Variants in EXTL1 observed in about 807,000 individuals in gnomAD.
The protein encoded by EXTL1 is exostosin like glycosyltransferase 1.
A neutral mutation model predicts 64.6 loss-of-function variants in EXTL1; 43 were observed. That is an observed-to-expected ratio of 0.67 (90% confidence interval 0.52 to 0.86). The LOEUF (loss-of-function observed/expected upper bound fraction) is 0.86, where lower values mean the gene tolerates loss of function less well. Ranked by LOEUF, EXTL1 falls within the 40% of genes least tolerant of loss-of-function variation. EXTL1 has a pLI of 0.00. For missense variants in EXTL1, 766 were observed against 879.0 expected, an observed-to-expected ratio of 0.87 and a Z score of 1.62; for synonymous variants, 352 against 360.5, an observed-to-expected ratio of 0.98 and a Z score of 0.27.
Position 26,035,935 on chromosome 1 carries a change from G to C in EXTL1, c.*588G>C, listed in dbSNP as rs1355771065. 1 of 152,554 alleles carries C rather than the reference G, an allele frequency of 6.6e-6. No homozygotes were observed. Among genetic ancestry groups the C allele is most frequent in the Non-Finnish European group, 1.5e-5 (1 of 68,084 alleles). 9.5% of individuals were successfully genotyped at this position (152,554 alleles called of 1,614,324 possible). A position where few individuals can be genotyped will look rare whatever the true frequency, so the allele number is the denominator to read the frequency against. On this transcript the variant is annotated 3_prime_UTR_variant, in exon 11 of 11. Coordinates refer to ENST00000374280, the MANE Select transcript of EXTL1 (RefSeq NM_004455.3). This position sits in a 1 kb window ranked among gnomAD's most constrained non-coding sequence, Gnocchi z 5.3. ...CGCCCCACCCCGCCACCCATTCCTA[G>C]GGTTCCTAGTCCCGGGAAGGCAACT...
rs1292125962 is a variant in EXTL1 at position 26,029,260 on chromosome 1, G to C, written c.847G>C (p.Ala283Pro). 1 of 1,613,822 alleles carries C rather than the reference G, an allele frequency of 6.2e-7. No individual in the cohort carries two copies. Among genetic ancestry groups the C allele is most frequent in the Non-Finnish European group, 8.5e-7 (1 of 1,179,858 alleles). Residue 283 changes from alanine (A) to proline (P), a missense_variant, in exon 2 of 11, where the codon GCC becomes CCC. Ala to Pro is a conservative substitution (Grantham distance 27). Coordinates refer to ENST00000374280, the MANE Select transcript of EXTL1 (RefSeq NM_004455.3). ...CATCTCTGGCCACCGTCCCGAGGCT[G>C]CCTCGCGCTTCCTCCAAGCCCTGCA... The part of the protein sequence containing the change: ...CLISGHRPEA[A>P]SRFLQALQAG...
rs2050305134 is a variant in EXTL1, at chr1:26,033,098, C to T, written c.1432-131C>T. The T allele has an allele frequency of 2.9e-6, 2 of 681,400 alleles. No individual in the cohort carries two copies. The highest frequency in any genetic ancestry group is 2.6e-6 in the Non-Finnish European group (1 of 378,496). The allele number at this position is 681,400 out of a possible 1,614,324, so 42.2% of individuals were successfully genotyped here. A position where few individuals can be genotyped will look rare whatever the true frequency, so the allele number is the denominator to read the frequency against. On this transcript the variant is annotated intron_variant, in intron 7 of 10. Transcript: ENST00000374280. This position sits in a 1 kb window ranked among gnomAD's most constrained non-coding sequence, Gnocchi z 5.1. ...CTTGCCATATTTGAGGCCCAGGCGT[C>T]TACACTGTGCCTGAAGGGAGGCTTT...
rs576290966 is a variant in EXTL1 at position 26,022,709 on chromosome 1, T to C, written c.63T>C (p.Leu21=). Residue 21 remains leucine, a synonymous_variant, in exon 1 of 11, where the codon CTT becomes CTC. Transcript: ENST00000374280. ...CACTGTCAGCCTCCTGGCTCCTGCT[T>C]GTCCTGCTGGGAGGCTTCTCCCTTC... The part of the protein sequence containing the change: ...WLALSASWLL[L]VLLGGFSLLR... 144 of 1,613,346 alleles carry C rather than the reference T, an allele frequency of 8.9e-5. 2 individuals carry two copies. In the South Asian group the frequency reaches 1.5e-3, roughly 17 times the overall value.
In EXTL1 at chr1:26,034,899, A is replaced by ACC; in HGVS notation, c.1745_1746dup (p.Thr583ProfsTer7). On this transcript the variant is annotated frameshift_variant, in exon 10 of 11. Coordinates refer to ENST00000374280, the MANE Select transcript of EXTL1 (RefSeq NM_004455.3). LOFTEE classifies it high-confidence loss of function. This position sits in a 1 kb window ranked among gnomAD's most constrained non-coding sequence, Gnocchi z 4.6. Reference sequence around the variant, plus strand: ...CTCTGAGGACCCTGGCAGATGAGGCACCCACCTGTGTGGACGTCCTGATGA... The same window carrying ACC: ...CTCTGAGGACCCTGGCAGATGAGGCACCCCCACCTGTGTGGACGTCCTGATGA... The ACC allele has an allele frequency of 6.2e-7, 1 of 1,614,118 alleles. No homozygotes were observed. The highest frequency in any genetic ancestry group is 8.5e-7 in the Non-Finnish European group (1 of 1,180,022).
chr1:26,032,258 A>G, intron 6 of EXTL1, 138 bp from the exon 7 acceptor site: 2 of 509,846 alleles, frequency 3.9e-6, no homozygotes, highest in Admixed American at 3.7e-5. Context: ...CCATGGATCC[A>G]ACTAACCCTT....
intron 3 of EXTL1, 126 bp from the exon 4 acceptor site, chr1:26,030,350 T>TTTA: frequency 1.8e-6 from 1 of 557,060 alleles, no homozygotes; most frequent in South Asian, 5.2e-5. Flanking sequence ...TTTTTTTTTT[T>TTTA]GAGATAGGAT....
chr1:26,029,134 G>A lies in EXTL1; in HGVS notation c.780-59G>A. 3.8e-6 allele frequency: 5 copies of A among 1,309,952 alleles called. No individual in the cohort carries two copies. In the South Asian group the frequency reaches 6.1e-5, roughly 16 times the overall value. 81.1% of individuals were successfully genotyped at this position (1,309,952 alleles called of 1,614,324 possible). A position where few individuals can be genotyped will look rare whatever the true frequency, so the allele number is the denominator to read the frequency against. On this transcript the variant is annotated intron_variant, in intron 1 of 10. Transcript: ENST00000374280. ...GGGTTCTCCCATTGAGGGAGCCCAG[G>A]GGGCGAAGGTCACTGTCCAGGCTCA...
intron 1 of EXTL1, 55 bp from the exon 2 acceptor site, chr1:26,029,138 C>T (rs1036854027): frequency 1.2e-5 from 17 of 1,362,908 alleles, no homozygotes; most frequent in African/African-American, 1.0e-4. Flanking sequence ...GCCCAGGGGG[C>T]GAAGGTCACT....
At chr1:26,030,998 C>T (rs2050278901) in intron 4 of EXTL1, 134 bp from the exon 5 acceptor site, 1 of 1,025,974 alleles carries the variant, frequency 9.7e-7, no homozygotes, top group African/African-American at 1.6e-5. Flanking sequence ...TCATGGAGTG[C>T]CCCCTACTCT....
intron 6 of EXTL1, 46 bp downstream of exon 6, chr1:26,031,612 A>G: frequency 1.6e-6 from 2 of 1,248,308 alleles, no homozygotes; most frequent in East Asian, 2.6e-5. Context: ...GGGTGGGGGT[A>G]AGGGACAGGG....
intron 1 of EXTL1, among the ~76,000 whole-genome samples, chr1:26,026,075 C>T (rs138541253): frequency 6.1e-4 from 93 of 151,916 alleles, no homozygotes; most frequent in African/African-American, 2.1e-3. Flanking sequence ...CCTGTCTCTA[C>T]AAGAATTACA....
chr1:26,031,512 C>T lies in EXTL1; in HGVS notation c.1287C>T (p.Gly429=). 2.5e-6 allele frequency: 4 copies of T among 1,601,768 alleles called. No homozygotes were observed. The highest frequency in any genetic ancestry group is 3.4e-6 in the Non-Finnish European group (4 of 1,174,444). The change falls in exon 6 of 11, where the codon GGC becomes GGT. Residue 429 remains glycine, a synonymous_variant. Coordinates refer to ENST00000374280, the MANE Select transcript of EXTL1 (RefSeq NM_004455.3). ...CCCTGATCTGGGTGGGGCCCCCAGG[C>T]CAGCCCCCTCTGAAGCTCATCCAGG... ...FSALIWVGPP[G]QPPLKLIQAV... is the part of the protein sequence containing the mutation.
rs2802317 is a variant in EXTL1 at position 26,033,931 on chromosome 1, G to C, written c.1679+75G>C. 3 of 1,413,420 alleles carry C rather than the reference G, an allele frequency of 2.1e-6. No individual in the cohort carries two copies. The highest frequency in any genetic ancestry group is 2.5e-5 in the East Asian group (1 of 40,558). 87.6% of individuals were successfully genotyped at this position (1,413,420 alleles called of 1,614,324 possible). On this transcript the variant is annotated intron_variant, in intron 9 of 10. Coordinates refer to ENST00000374280, the MANE Select transcript of EXTL1 (RefSeq NM_004455.3). This position sits in a 1 kb window ranked among gnomAD's most constrained non-coding sequence, Gnocchi z 5.1. ...CCCCACCCCCACCCCGAACGGAGCA[G>C]AGTGGCCTAGACCCCAGGGATCCAG...
chr1:26,031,804 T>G (rs1163418616), intron 6 of EXTL1, among the ~76,000 whole-genome samples: 1 of 152,226 alleles, frequency 6.6e-6, no homozygotes, highest in African/African-American at 2.4e-5. Flanking sequence ...GAAGGAAACA[T>G]TCATTCCTTT....
chr1:26,029,086 TGGGTGTGGGGTGCAG>T (rs2050249706), intron 1 of EXTL1, 92 bp from the exon 2 acceptor site: 16 of 693,370 alleles, frequency 2.3e-5, no homozygotes, highest in Non-Finnish European at 4.1e-5. Context: ...TTTGGGAGTG[TGGGTGTGGGGTGCAG>T]GGGTGTGGGG....
rs2124412806 is a variant in EXTL1 at position 26,033,095 on chromosome 1, C to G, written c.1432-134C>G. The G allele has an allele frequency of 4.5e-6, 3 of 663,960 alleles. No individual in the cohort carries two copies. Among genetic ancestry groups the G allele is most frequent in the East Asian group, 2.7e-5 (1 of 36,416 alleles). 41.1% of individuals were successfully genotyped at this position (663,960 alleles called of 1,614,324 possible). A position where few individuals can be genotyped will look rare whatever the true frequency, so the allele number is the denominator to read the frequency against. On this transcript the variant is annotated intron_variant, in intron 7 of 10. Transcript: ENST00000374280. The surrounding 1 kb of genome is among the most constrained non-coding windows in gnomAD (Gnocchi z 5.1). ...AGGCTTGCCATATTTGAGGCCCAGGCGTCTACACTGTGCCTGAAGGGAGGC... is the reference window on the plus strand; with the variant it reads ...AGGCTTGCCATATTTGAGGCCCAGGGGTCTACACTGTGCCTGAAGGGAGGC...
Position 26,022,573 on chromosome 1 carries a change from C to CT in EXTL1, c.-74_-73insT. The CT allele has an allele frequency of 1.5e-6, 2 of 1,331,136 alleles. No homozygotes were observed. Among genetic ancestry groups the CT allele is most frequent in the Non-Finnish European group, 1.0e-6 (1 of 963,194 alleles). 82.5% of individuals were successfully genotyped at this position (1,331,136 alleles called of 1,614,324 possible). On this transcript the variant is annotated 5_prime_UTR_variant, in exon 1 of 11. Transcript: ENST00000374280. ...CAGGTCGGTCCCAGCTCTGGTCTCC[C>CT]GCCCCAGGCCCTGCTCTTCCTGCTT...
rs144966041 is a variant in EXTL1, at chr1:26,035,578, C to T, written c.*231C>T. 19 of 448,138 alleles carry T rather than the reference C, an allele frequency of 4.2e-5. No individual in the cohort carries two copies. Among genetic ancestry groups the T allele is most frequent in the Non-Finnish European group, 6.8e-5 (17 of 251,812 alleles). 27.8% of individuals were successfully genotyped at this position (448,138 alleles called of 1,614,324 possible). ...AGGCTGAGCCCCGCGACCGGAGCGC[C>T]GCTCTCCGCTTCTCCACCCAGCTAA... On this transcript the variant is annotated 3_prime_UTR_variant, in exon 11 of 11. Coordinates refer to ENST00000374280, the MANE Select transcript of EXTL1 (RefSeq NM_004455.3). The surrounding 1 kb of genome is among the most constrained non-coding windows in gnomAD (Gnocchi z 5.3).
At position 26,030,693 on chromosome 1, in the gene EXTL1, C is replaced by G. The variant is rs1243678492; in HGVS notation, c.1101+98C>G. The stretch of plus-strand genomic sequence containing the variant: ...CTGCCACAGTGTTTGGGGAACCCCC[C>G]CCCCTTCCTTGAAGATGGTCCTGGG... On this transcript the variant is annotated intron_variant, in intron 4 of 10. Coordinates refer to ENST00000374280, the MANE Select transcript of EXTL1 (RefSeq NM_004455.3). The G allele has an allele frequency of 3.7e-6, 5 of 1,365,232 alleles. No individual in the cohort carries two copies. In the Admixed American group the frequency reaches 6.9e-5, roughly 19 times the overall value. 84.6% of individuals were successfully genotyped at this position (1,365,232 alleles called of 1,614,324 possible). A position where few individuals can be genotyped will look rare whatever the true frequency, so the allele number is the denominator to read the frequency against.
Sources: allele counts gnomAD v4.1 joint callset (sites outside exome capture counted in the v4.1 genomes callset), GRCh38; gene constraint gnomAD v4.1.1; non-coding constraint Gnocchi (gnomAD v3.1); transcripts MANE v1.5; gene names NCBI Gene and HGNC (gene_info 2026-07-23, HGNC 2026-07-21).